Variants in KIF9 observed in about 807,000 individuals in gnomAD.
KIF9 encodes kinesin family member 9, also known as kinesin-like protein KIF9.
In KIF9, 68 loss-of-function variants were observed where a neutral mutation model predicts 94.8. The ratio of observed to expected loss-of-function variants is 0.72; its 90% CI spans 0.59 to 0.88. The LOEUF (loss-of-function observed/expected upper bound fraction) is 0.88. KIF9 is among the 40% of genes least tolerant of loss of function. KIF9 has a pLI of 0.00. For missense variants in KIF9, 882 were observed against 982.5 expected, an observed-to-expected ratio of 0.90 and a Z score of 1.37; for synonymous variants, 343 against 362.1, an observed-to-expected ratio of 0.95 and a Z score of 0.60.
intron 10 of KIF9, among the ~76,000 whole-genome samples, chr3:47,255,446 G>A (rs954101890): frequency 5.3e-5 from 8 of 152,184 alleles, no homozygotes; most frequent in Non-Finnish European, 5.9e-5. Context: ...AGGTGATTCT[G>A]AAAGATGGTC....
intron 1 of KIF9, chr3:47,281,333 GTTTT>G (rs1702331746): frequency 3.2e-6 from 1 of 311,188 alleles, no homozygotes; most frequent in Non-Finnish European, 6.0e-6. Flanking sequence ...CGCTTTTTTT[GTTTT>G]TGTTTTTGTT....
chr3:47,280,498 G>A (rs1308276344), intron 1 of KIF9, among the ~76,000 whole-genome samples: 1 of 152,194 alleles, frequency 6.6e-6, no homozygotes, highest in Non-Finnish European at 1.5e-5. Context: ...TTGAGGCCAG[G>A]AATTAGGAAC....
At position 47,257,558 on chromosome 3, in the gene KIF9, T is replaced by A; in HGVS notation, c.984A>T (p.Leu328=). Residue 328 remains leucine, a splice_region_variant and synonymous_variant, in exon 10 of 21, where the codon CTA becomes CTT. Transcript: ENST00000684063. ...TCCTGCTGGCAAATCTCAGTGAAGA[T>A]AGCTGCAAAACAGAGCAGGTAGACA... ...YGEAAQLEET[L]SSLRFASRMK... The A allele has an allele frequency of 6.2e-7, 1 of 1,613,262 alleles. No homozygotes were observed. Among genetic ancestry groups the A allele is most frequent in the Non-Finnish European group, 8.5e-7 (1 of 1,179,918 alleles).
chr3:47,228,755 C>T, intron 20 of KIF9, 53 bp from the exon 21 acceptor site: 3 of 1,451,484 alleles, frequency 2.1e-6, no homozygotes, highest in Non-Finnish European at 2.9e-6. Context: ...ACAGACATAG[C>T]AGGGACTCAG....
rs1576115362 is a variant in KIF9, at chr3:47,282,315, G to A, written c.-6+180C>T. On this transcript the variant is annotated intron_variant, in intron 1 of 20. Coordinates refer to ENST00000684063, the MANE Select transcript of KIF9 (RefSeq NM_182902.4). ...ACATTAGCTCCGAAGACCGTAAGCC[G>A]CGGTCAGGTTGAAAGGACTCCCGCG... 7 of 985,654 alleles carry A rather than the reference G, an allele frequency of 7.1e-6. No homozygotes were observed. In the South Asian group the frequency reaches 2.3e-4, roughly 33 times the overall value. 61.1% of individuals were successfully genotyped at this position (985,654 alleles called of 1,614,324 possible).
chr3:47,264,023 G>C (rs900053757), intron 9 of KIF9: 1 of 548,834 alleles, frequency 1.8e-6, no homozygotes, highest in Admixed American at 2.2e-5. Flanking sequence ...CACAAAGCTG[G>C]CTCTCAGCCT....
At position 47,282,702 on chromosome 3, in the gene KIF9, A is replaced by C; in HGVS notation, c.-213T>G. 1.5e-6 allele frequency: 2 copies of C among 1,366,186 alleles called. No homozygotes were observed. The highest frequency in any genetic ancestry group is 1.9e-6 in the Non-Finnish European group (2 of 1,055,114). 84.6% of individuals were successfully genotyped at this position (1,366,186 alleles called of 1,614,324 possible). A position where few individuals can be genotyped will look rare whatever the true frequency, so the allele number is the denominator to read the frequency against. Reference sequence around the variant, plus strand: ...GTCATGGCCGAATCGGGAAGACGAGAGATGGGGCCGATTGATCTAGAAAGA... The same window carrying C: ...GTCATGGCCGAATCGGGAAGACGAGCGATGGGGCCGATTGATCTAGAAAGA... On this transcript the variant is annotated 5_prime_UTR_variant, in exon 1 of 21. Transcript: ENST00000684063.
At chr3:47,250,584 CG>C in intron 10 of KIF9, 1 of 489,560 alleles carries the variant, frequency 2.0e-6, no homozygotes, top group Non-Finnish European at 4.1e-6. Flanking sequence ...CTCACACAAG[CG>C]TATGAACACA....
chr3:47,230,645 C>T (rs1367962277), intron 20 of KIF9, among the ~76,000 whole-genome samples: 5 of 151,622 alleles, frequency 3.3e-5, no homozygotes, highest in African/African-American at 1.2e-4. Flanking sequence ...GAAGGAGAAT[C>T]GCTTAAACCT....
chr3:47,231,433 GAC>G (rs1698578511), intron 20 of KIF9, among the ~76,000 whole-genome samples: 2 of 38,444 alleles, frequency 5.2e-5, no homozygotes, highest in Non-Finnish European at 9.3e-5. Context: ...TTTTTTTTTA[GAC>G]AGTTTCTCTT....
At chr3:47,239,906 T>G in intron 17 of KIF9, 1 of 1,367,916 alleles carries the variant, frequency 7.3e-7, no homozygotes, top group South Asian at 1.1e-5. Context: ...TAACCTGTGG[T>G]GTTTCCTGTC....
At chr3:47,239,595 A>G (rs1258142561) in intron 17 of KIF9, 3 of 1,062,310 alleles carry the variant, frequency 2.8e-6, no homozygotes, top group Non-Finnish European at 3.5e-6. Context: ...AATTGTTATT[A>G]TATTTTTTTT....
chr3:47,257,454 G>A, intron 10 of KIF9, 29 bp downstream of exon 10: 1 of 1,596,510 alleles, frequency 6.3e-7, no homozygotes, highest in Non-Finnish European at 8.6e-7. Context: ...TCCCCACAGT[G>A]GGACACCTGT....
chr3:47,266,619 T>C (rs1264037257), intron 7 of KIF9, among the ~76,000 whole-genome samples: 1 of 152,128 alleles, frequency 6.6e-6, no homozygotes, highest in Non-Finnish European at 1.5e-5. Context: ...TACCCCAGCC[T>C]GGGAGACACG....
chr3:47,231,999 A>G (rs967856254), intron 20 of KIF9: 4 of 152,238 alleles, frequency 2.6e-5, no homozygotes, highest in African/African-American at 9.6e-5. Flanking sequence ...TGTCTCCCCA[A>G]AATTCATATG....
Position 47,270,248 on chromosome 3 carries a change from TTTTTC to T in KIF9, c.591+984_591+988del, listed in dbSNP as rs1023458820. Among the ~76,000 whole-genome samples the T allele has an allele frequency of 5.3e-5, 8 of 151,394 alleles. No individual in the cohort carries two copies. In the East Asian group the frequency reaches 9.7e-4, roughly 18 times the overall value. ...AAGGATGCTAATTCTTATTTTTCTCTTTTTCTTTTCTTTTTTTTTTTTGAGAAGGA... is the reference window on the plus strand; with the variant it reads ...AAGGATGCTAATTCTTATTTTTCTCTTTTTCTTTTTTTTTTTTGAGAAGGA... On this transcript the variant is annotated intron_variant, in intron 5 of 20. Transcript: ENST00000684063.
At chr3:47,235,727 C>G (rs1698973930) in intron 19 of KIF9, 110 bp from the exon 20 acceptor site, 3 of 835,248 alleles carry the variant, frequency 3.6e-6, no homozygotes, top group Non-Finnish European at 4.0e-6. Context: ...CACCGCCCCA[C>G]CGCCACCAAA....
intron 1 of KIF9, among the ~76,000 whole-genome samples, chr3:47,277,997 T>G (rs1702084354): frequency 6.6e-6 from 1 of 151,978 alleles, no homozygotes. Context: ...TCTTTCAGTG[T>G]GTGTGTGTGT....
intron 16 of KIF9, among the ~76,000 whole-genome samples, chr3:47,241,791 G>GTATATATGTA (rs1363548293): frequency 2.7e-5 from 2 of 74,448 alleles, no homozygotes; most frequent in African/African-American, 5.4e-5. Flanking sequence ...GTATATACGT[G>GTATATATGTA]TATATATGTA....
Sources: allele counts gnomAD v4.1 joint callset (sites outside exome capture counted in the v4.1 genomes callset), GRCh38; gene constraint gnomAD v4.1.1; transcripts MANE v1.5; gene names NCBI Gene and HGNC (gene_info 2026-07-23, HGNC 2026-07-21).